The following AKAP6 variants were observed in gnomAD, a reference collection of about 807,000 sequenced individuals.
The protein encoded by AKAP6 is A-kinase anchor protein 6.
In AKAP6, 58 loss-of-function variants were observed where a neutral mutation model predicts 188.5. That is an observed-to-expected ratio of 0.31 (90% CI 0.25 to 0.38). The LOEUF (loss-of-function observed/expected upper bound fraction) is 0.38. AKAP6 is among the 10% of genes least tolerant of loss of function. The pLI is 1.00. For synonymous variants in AKAP6, 989 were observed against 998.6 expected (o/e 0.99, Z 0.18); for missense variants, 2,710 against 2,740.0 (o/e 0.99, Z 0.24).
At chr14:32,382,672 A>T (rs1274670812) in intron 1 of AKAP6, among the ~76,000 whole-genome samples, 2 of 152,168 alleles carry the variant, frequency 1.3e-5, no homozygotes, top group Admixed American at 1.3e-4. Context: ...TGCCAGTTAC[A>T]GTGGCATGTC....
At chr14:32,690,076 TAC>T (rs10658220) in intron 8 of AKAP6, among the ~76,000 whole-genome samples, 9,491 of 135,830 alleles carry the variant, frequency 0.07, 479 homozygotes, top group African/African-American at 0.15. Context: ...TGCCCCAAAA[TAC>T]ACACACACAC....
chr14:32,494,613 G>A (rs1880213544), intron 2 of AKAP6, among the ~76,000 whole-genome samples: 1 of 152,000 alleles, frequency 6.6e-6, no homozygotes, highest in Non-Finnish European at 1.5e-5. Flanking sequence ...ATAGGATTCT[G>A]GGCAGTTAGT....
In AKAP6 at chr14:32,822,110, G is replaced by A. The variant is rs142681137; in HGVS notation, c.4297G>A (p.Val1433Met). Residue 1433 changes from valine to methionine, a missense_variant, in exon 13 of 14, where the codon GTG becomes ATG. By Grantham distance (21) the Val-to-Met change is conservative. Around this residue, in one of 2 missense-constraint regions of AKAP6, gnomAD observed 2,473 missense variants for 2,426.1 expected, o/e 1.02. Transcript: ENST00000280979. ...TAGCTCTCAGTCGTCCATTTCACCA[G>A]TGGGTTGTGTAAATGGAAAAGTTGG... ...PNSSQSSISP[V>M]GCVNGKVGDL... 4.8e-5 allele frequency: 78 copies of A among 1,613,814 alleles called. No homozygotes were observed. Among genetic ancestry groups the A allele is most frequent in the Non-Finnish European group, 6.2e-5 (73 of 1,179,936 alleles).
At chr14:32,360,101 G>C (rs1887608668) in intron 1 of AKAP6, among the ~76,000 whole-genome samples, 1 of 151,072 alleles carries the variant, frequency 6.6e-6, no homozygotes, top group Admixed American at 6.6e-5. Context: ...GAGATATTTT[G>C]AGGATATGCA....
Position 32,735,978 on chromosome 14 carries a change from G to C in AKAP6, c.3372+96G>C, listed in dbSNP as rs574029540. On this transcript the variant is annotated intron_variant, in intron 11 of 13. Coordinates refer to ENST00000280979, the MANE Select transcript of AKAP6 (RefSeq NM_004274.5). ...TGAAGTATTATACCCATGTATCTGT[G>C]TATCACTGTGCACCTAAATGTTTCC... 13 of 891,306 alleles carry C rather than the reference G, an allele frequency of 1.5e-5. No individual in the cohort carries two copies. In the African/African-American group the frequency reaches 1.7e-4, roughly 12 times the overall value. The allele number at this position is 891,306 out of a possible 1,614,324, so 55.2% of individuals were successfully genotyped here.
In AKAP6 at chr14:32,572,684, T is replaced by C. The variant is rs968638154; in HGVS notation, c.2347-4436T>C. Among the ~76,000 whole-genome samples the C allele has an allele frequency of 3.3e-5, 5 of 152,238 alleles. No individual in the cohort carries two copies. In the South Asian group the frequency reaches 1.0e-3, roughly 31 times the overall value. ...ACTGTGAAAATCATCTTCAAGTGTA[T>C]TTTAGCCAGCCAAAGCCTCTAGCAA... On this transcript the variant is annotated intron_variant, in intron 4 of 13. Transcript: ENST00000280979.
At chr14:32,347,890 T>C (rs10220343) in intron 1 of AKAP6, among the ~76,000 whole-genome samples, 47,684 of 152,134 alleles carry the variant, frequency 0.31, 8,147 homozygotes, top group African/African-American at 0.46. Flanking sequence ...AAAGACAGTA[T>C]GTATCAGATT....
chr14:32,655,809 G>A (rs1363883137), intron 7 of AKAP6, among the ~76,000 whole-genome samples: 1 of 152,062 alleles, frequency 6.6e-6, no homozygotes, highest in Non-Finnish European at 1.5e-5. Flanking sequence ...AGGAGATTAG[G>A]GTCAGACTGG....
At chr14:32,509,889 G>A (rs768633135) in intron 2 of AKAP6, among the ~76,000 whole-genome samples, 2 of 152,142 alleles carry the variant, frequency 1.3e-5, no homozygotes, top group African/African-American at 2.4e-5. Context: ...TTTGCCGTAT[G>A]TTACTTGACG....
At chr14:32,459,578 G>A (rs565100727) in intron 2 of AKAP6, among the ~76,000 whole-genome samples, 43 of 148,864 alleles carry the variant, frequency 2.9e-4, no homozygotes, top group Non-Finnish European at 5.3e-4. Flanking sequence ...TATTGGAAAG[G>A]CATACATATA....
chr14:32,330,481 A>G (rs1287082127), intron 1 of AKAP6, among the ~76,000 whole-genome samples: 1 of 152,016 alleles, frequency 6.6e-6, no homozygotes, highest in Non-Finnish European at 1.5e-5. Context: ...GCTGATTGCT[A>G]CTAGGGGAGA....
In AKAP6 at chr14:32,822,861, A is replaced by G; in HGVS notation, c.5048A>G (p.Asp1683Gly). 1 of 1,613,878 alleles carries G rather than the reference A, an allele frequency of 6.2e-7. No homozygotes were observed. Among genetic ancestry groups the G allele is most frequent in the Non-Finnish European group, 8.5e-7 (1 of 1,179,912 alleles). ...SLDIASSINE[D>G]SAASLTELSS... ...GACATAGCATCTTCTATCAATGAAG[A>G]CTCAGCGGCATCTCTAACAGAACTT... Residue 1683 changes from aspartate (D) to glycine (G), a missense_variant, in exon 13 of 14, where the codon GAC becomes GGC. Transcript: ENST00000280979.
intron 5 of AKAP6, among the ~76,000 whole-genome samples, chr14:32,578,119 T>C (rs543796429): frequency 1.1e-4 from 16 of 152,230 alleles, no homozygotes; most frequent in East Asian, 3.9e-4. Flanking sequence ...AGAATTTGGA[T>C]TGAATAAACA....
At chr14:32,583,092 GCT>G (rs1885056193) in intron 5 of AKAP6, among the ~76,000 whole-genome samples, 1 of 152,148 alleles carries the variant, frequency 6.6e-6, no homozygotes, top group South Asian at 2.1e-4. Context: ...CAGTTTTTCT[GCT>G]CTGTTTTTTC....
intron 7 of AKAP6, among the ~76,000 whole-genome samples, chr14:32,659,163 A>T (rs1187428157): frequency 1.3e-5 from 2 of 152,156 alleles, no homozygotes; most frequent in Admixed American, 1.3e-4. Flanking sequence ...CTGTTGCTAC[A>T]TTCATGGCTG....
At chr14:32,776,947 T>C (rs1252477157) in intron 12 of AKAP6, among the ~76,000 whole-genome samples, 1 of 151,926 alleles carries the variant, frequency 6.6e-6, no homozygotes, top group Non-Finnish European at 1.5e-5. Flanking sequence ...TGCTCTCAAG[T>C]ACTCAGCAGA....
intron 7 of AKAP6, among the ~76,000 whole-genome samples, chr14:32,662,199 C>A (rs1312300006): frequency 6.6e-6 from 1 of 151,936 alleles, no homozygotes; most frequent in Non-Finnish European, 1.5e-5. Flanking sequence ...TTTTATAGTT[C>A]TCTTTAAATA....
intron 9 of AKAP6, among the ~76,000 whole-genome samples, chr14:32,728,582 G>A (rs955907221): frequency 1.3e-5 from 2 of 152,116 alleles, no homozygotes; most frequent in African/African-American, 4.8e-5. Flanking sequence ...GTAATATGGT[G>A]TAAGATGTAA....
chr14:32,396,341 C>T (rs1195467852), intron 1 of AKAP6, among the ~76,000 whole-genome samples: 1 of 152,134 alleles, frequency 6.6e-6, no homozygotes, highest in Non-Finnish European at 1.5e-5. Flanking sequence ...TCCTTGGAAA[C>T]TCATTAAGAA....
Sources: gnomAD v4.1 joint callset for allele counts (sites outside exome capture counted in the v4.1 genomes callset) on GRCh38, gnomAD v4.1.1 for gene constraint, gnomAD v4.1.1 regional missense constraint, MANE v1.5 for transcripts, NCBI Gene and HGNC (gene_info 2026-07-23, HGNC 2026-07-21) for gene names.